The following IL1RAPL2 variants were observed in gnomAD, a reference collection of about 807,000 sequenced individuals.
IL1RAPL2 encodes the protein interleukin 1 receptor accessory protein like 2.
In IL1RAPL2, 3 loss-of-function variants were observed where a neutral mutation model predicts 44.1. The observed-to-expected ratio is 0.07, with a 90% confidence interval of 0.03 to 0.18. The LOEUF (loss-of-function observed/expected upper bound fraction) is 0.18. Among genes scored for constraint, IL1RAPL2 ranks in the 10% least tolerant of loss-of-function variants. The pLI is 1.00. For synonymous variants in IL1RAPL2, 181 were observed against 178.8 expected, an observed-to-expected ratio of 1.01 and a Z score of -0.10; for missense variants, 391 against 496.4, an observed-to-expected ratio of 0.79 and a Z score of 2.02.
intron 6 of IL1RAPL2, among the ~76,000 whole-genome samples, chrX:105,552,433 C>T (rs762192803): frequency 1.8e-5 from 2 of 112,448 alleles, no homozygotes; most frequent in South Asian, 7.3e-4. Flanking sequence ...ACACATCAAA[C>T]TCTGTTCCCT....
Position 104,757,633 on chromosome X carries a change from C to T in IL1RAPL2, c.82+98638C>T, listed in dbSNP as rs1358301256. Among the ~76,000 whole-genome samples the T allele has an allele frequency of 1.8e-5, 2 of 111,088 alleles. 1 individual carries two copies. Among genetic ancestry groups the T allele is most frequent in the Middle Eastern group, 8.5e-3 (2 of 236 alleles). ...TGTTCTCTTTTCTTGGGAAAAAGTGCTTATAGAAAGAAGAATGGAAATATG... is the reference window on the plus strand; with the variant it reads ...TGTTCTCTTTTCTTGGGAAAAAGTGTTTATAGAAAGAAGAATGGAAATATG... On this transcript the variant is annotated intron_variant, in intron 2 of 10. Coordinates refer to ENST00000372582, the MANE Select transcript of IL1RAPL2 (RefSeq NM_017416.2).
At chrX:105,043,658 G>T (rs1315484889) in intron 2 of IL1RAPL2, among the ~76,000 whole-genome samples, 1 of 110,753 alleles carries the variant, frequency 9.0e-6, no homozygotes, top group Non-Finnish European at 1.9e-5. Flanking sequence ...GCCATAGTCA[G>T]TATATCCTGA....
intron 2 of IL1RAPL2, among the ~76,000 whole-genome samples, chrX:105,073,195 TC>T (rs1281139386): frequency 3.2e-5 from 1 of 31,165 alleles, no homozygotes; most frequent in Non-Finnish European, 5.7e-5. Context: ...CCCTCCCCCC[TC>T]CCCCCACCCC....
At chrX:105,227,932 CT>C (rs782186719) in intron 3 of IL1RAPL2, among the ~76,000 whole-genome samples, 3 of 111,375 alleles carry the variant, frequency 2.7e-5, no homozygotes, top group African/African-American at 6.5e-5. Context: ...CATGTATATT[CT>C]TTTTTCCCCC....
intron 2 of IL1RAPL2, among the ~76,000 whole-genome samples, chrX:105,028,909 A>G (rs1429551665): frequency 1.8e-5 from 2 of 110,559 alleles, no homozygotes; most frequent in African/African-American, 6.5e-5. Flanking sequence ...GCATAAATAC[A>G]TGCTCCTGGA....
At chrX:104,898,313 G>T (rs1483864467) in intron 2 of IL1RAPL2, among the ~76,000 whole-genome samples, 4 of 111,775 alleles carry the variant, frequency 3.6e-5, no homozygotes, top group African/African-American at 1.3e-4. Flanking sequence ...TGGGGACACT[G>T]GTGTTGATTT....
At chrX:105,193,524 CA>C (rs2033649770) in intron 2 of IL1RAPL2, among the ~76,000 whole-genome samples, 1 of 111,664 alleles carries the variant, frequency 9.0e-6, no homozygotes, top group Admixed American at 9.5e-5. Context: ...GATGATAAAA[CA>C]ATAAATATTA....
chrX:104,687,473 G>A (rs1300296069), intron 2 of IL1RAPL2, among the ~76,000 whole-genome samples: 1 of 111,285 alleles, frequency 9.0e-6, no homozygotes, highest in Non-Finnish European at 1.9e-5. Context: ...CCATTTACGA[G>A]GAATCTGCCC....
chrX:104,580,315 T>C (rs1928321551), intron 1 of IL1RAPL2, among the ~76,000 whole-genome samples: 1 of 112,596 alleles, frequency 8.9e-6, no homozygotes, highest in Admixed American at 9.4e-5. Context: ...AGCTTTTACA[T>C]TTGAACAACT....
chrX:104,627,378 A>AT (rs1446396027), intron 1 of IL1RAPL2, among the ~76,000 whole-genome samples: 2 of 106,317 alleles, frequency 1.9e-5, no homozygotes, highest in Non-Finnish European at 3.9e-5. Context: ...GATATACCTA[A>AT]TGTAAATGAC....
chrX:104,613,936 A>G (rs1410781200), intron 1 of IL1RAPL2, among the ~76,000 whole-genome samples: 4 of 107,532 alleles, frequency 3.7e-5, no homozygotes, highest in African/African-American at 6.8e-5. Flanking sequence ...GTGTGTTTCC[A>G]GGAATTTATC....
chrX:105,157,911 G>A (rs1215893490), intron 2 of IL1RAPL2, among the ~76,000 whole-genome samples: 1 of 112,087 alleles, frequency 8.9e-6, no homozygotes, highest in Non-Finnish European at 1.9e-5. Context: ...GAATGTATGA[G>A]TTTTAGCTTC....
At chrX:104,637,842 G>A (rs974353423) in intron 1 of IL1RAPL2, among the ~76,000 whole-genome samples, 2 of 109,230 alleles carry the variant, frequency 1.8e-5, no homozygotes, top group Non-Finnish European at 3.8e-5. Flanking sequence ...CTGTGTGTGT[G>A]ATTATATGGT....
chrX:105,687,573 G>C (rs147821821), intron 6 of IL1RAPL2, among the ~76,000 whole-genome samples: 1 of 110,581 alleles, frequency 9.0e-6, no homozygotes, highest in South Asian at 3.8e-4. Context: ...CTCAGAAATT[G>C]AAATAATAAT....
At chrX:104,722,481 T>C (rs1214347258) in intron 2 of IL1RAPL2, among the ~76,000 whole-genome samples, 2 of 111,337 alleles carry the variant, frequency 1.8e-5, no homozygotes, top group Non-Finnish European at 3.8e-5. Flanking sequence ...ACAGGGTCTA[T>C]GTTTTGGCTT....
At chrX:105,449,597 A>T (rs2036003588) in intron 5 of IL1RAPL2, among the ~76,000 whole-genome samples, 1 of 107,933 alleles carries the variant, frequency 9.3e-6, no homozygotes, top group Non-Finnish European at 1.9e-5. Flanking sequence ...AAAAAAAAAA[A>T]TTAGCTGGGC....
chrX:105,576,209 C>T (rs1421902418), intron 6 of IL1RAPL2, among the ~76,000 whole-genome samples: 3 of 110,854 alleles, frequency 2.7e-5, no homozygotes, highest in East Asian at 5.7e-4. Context: ...GATTTTGGCG[C>T]CTTCCTCATG....
At chrX:105,270,301 A>G (rs1041304792) in intron 5 of IL1RAPL2, among the ~76,000 whole-genome samples, 1 of 111,756 alleles carries the variant, frequency 8.9e-6, no homozygotes, top group Non-Finnish European at 1.9e-5. Context: ...ACATGCACAC[A>G]CACACACTGA....
intron 5 of IL1RAPL2, among the ~76,000 whole-genome samples, chrX:105,268,839 C>CA (rs1190342363): frequency 2.7e-5 from 3 of 110,671 alleles, no homozygotes; most frequent in African/African-American, 9.8e-5. Context: ...GCTCTTACCA[C>CA]AAAAATAAAC....
Sources: allele counts gnomAD v4.1 joint callset (sites outside exome capture counted in the v4.1 genomes callset), GRCh38; gene constraint gnomAD v4.1.1; transcripts MANE v1.5; gene names NCBI Gene and HGNC (gene_info 2026-07-23, HGNC 2026-07-21).